Variants in CCNL1 observed in about 807,000 individuals in gnomAD.
CCNL1 encodes the protein cyclin L1.
In CCNL1, 13 loss-of-function variants were observed where a neutral mutation model predicts 60.6. The observed-to-expected ratio is 0.21, with a 90% CI of 0.14 to 0.34. CCNL1 has a LOEUF of 0.34. Among genes scored for constraint, CCNL1 ranks in the 10% least tolerant of loss-of-function variants. The pLI is 1.00. For missense variants in CCNL1, 481 were observed against 664.3 expected, an observed-to-expected ratio of 0.72 and a Z score of 3.03; for synonymous variants, 270 against 244.3, an observed-to-expected ratio of 1.10 and a Z score of -0.98.
chr3:157,151,534 G>C, intron 5 of CCNL1: 3 of 985,880 alleles, frequency 3.0e-6, no homozygotes, highest in Non-Finnish European at 3.6e-6. Flanking sequence ...GTGGGAACTG[G>C]TGCCCATTTT....
intron 3 of CCNL1, chr3:157,153,411 C>A: frequency 2.9e-6 from 1 of 347,166 alleles, no homozygotes. Flanking sequence ...TTGAATTCAT[C>A]CCTGCCAACT....
In CCNL1 at chr3:157,159,955, T is replaced by C; in HGVS notation, c.140A>G (p.Tyr47Cys). ...GTCGATGGTAAGTGAAACTTCCGAG[T>C]ACAGGCGATCGCCGATCAGGATCCC... ...TGGILIGDRL[Y>C]SEVSLTIDHS... The change falls in exon 1 of 11, where the codon TAC (tyrosine) becomes TGC (cysteine). Residue 47 changes from tyrosine (Y) to cysteine (C), a missense_variant. Coordinates refer to ENST00000295926, the MANE Select transcript of CCNL1 (RefSeq NM_020307.4). 6.2e-7 allele frequency: 1 copy of C among 1,600,304 alleles called. No individual in the cohort carries two copies.
chr3:157,151,053 A>G, intron 5 of CCNL1: 1 of 984,992 alleles, frequency 1.0e-6, no homozygotes, highest in Non-Finnish European at 1.2e-6. Context: ...ACTATCAAAG[A>G]AATTTTACAG....
chr3:157,147,567 G>A lies in CCNL1; in HGVS notation c.*674C>T, dbSNP rs1737831456. ...AGCAAATCAGGTTTTTTGGTTTAGT[G>A]CTAAAATATAACATTTAATGTCACA... On this transcript the variant is annotated 3_prime_UTR_variant, in exon 11 of 11. Transcript: ENST00000295926. The A allele has an allele frequency of 2.0e-6, 2 of 985,082 alleles. No homozygotes were observed. The highest frequency in any genetic ancestry group is 2.4e-6 in the Non-Finnish European group (2 of 829,656). The allele number at this position is 985,082 out of a possible 1,614,324, so 61.0% of individuals were successfully genotyped here.
rs6797456 is a variant in CCNL1, at chr3:157,159,727, G to C, written c.303+65C>G. On this transcript the variant is annotated intron_variant, in intron 1 of 10. Coordinates refer to ENST00000295926, the MANE Select transcript of CCNL1 (RefSeq NM_020307.4). ...CCCTCCCGGGGCACGGTGATACTGA[G>C]ATGCGGCGTAGGGGACGGAGGAGAG... 5 of 1,359,852 alleles carry C rather than the reference G, an allele frequency of 3.7e-6. No homozygotes were observed. The African/African-American group carries it at 7.3e-5, about 20-fold the overall frequency. The allele number at this position is 1,359,852 out of a possible 1,614,324, so 84.2% of individuals were successfully genotyped here. A position where few individuals can be genotyped will look rare whatever the true frequency, so the allele number is the denominator to read the frequency against.
intron 8 of CCNL1, 68 bp downstream of exon 8, chr3:157,149,768 G>A (rs1044508723): frequency 6.4e-7 from 1 of 1,558,862 alleles, no homozygotes; most frequent in African/African-American, 1.4e-5. Context: ...ACTTTCAAAT[G>A]TAAAAGCTCT....
chr3:157,144,561 A>G (rs1302141650), downstream of CCNL1, among the ~76,000 whole-genome samples: 2 of 152,248 alleles, frequency 1.3e-5, no homozygotes, highest in Non-Finnish European at 2.9e-5. Flanking sequence ...AACAAATGTT[A>G]AGTGTTCAAA....
chr3:157,157,317 A>G (rs1469048825), intron 3 of CCNL1, among the ~76,000 whole-genome samples: 1 of 152,232 alleles, frequency 6.6e-6, no homozygotes, highest in Non-Finnish European at 1.5e-5. Flanking sequence ...CAGACACAAC[A>G]ATCAGGTGAG....
Position 157,148,050 on chromosome 3 carries a change from G to C in CCNL1, c.*191C>G. 1.2e-5 allele frequency: 16 copies of C among 1,378,084 alleles called. No individual in the cohort carries two copies. Among genetic ancestry groups the C allele is most frequent in the Non-Finnish European group, 1.5e-5 (16 of 1,071,034 alleles). 85.4% of individuals were successfully genotyped at this position (1,378,084 alleles called of 1,614,324 possible). On this transcript the variant is annotated 3_prime_UTR_variant, in exon 11 of 11. Coordinates refer to ENST00000295926, the MANE Select transcript of CCNL1 (RefSeq NM_020307.4). Reference sequence around the variant, plus strand: ...CATGGTTTTTAATTAGATACTGCTAGGGCATTTTAATGTGCAAAAAAATTA... The same window carrying C: ...CATGGTTTTTAATTAGATACTGCTACGGCATTTTAATGTGCAAAAAAATTA...
At position 157,148,303 on chromosome 3, in the gene CCNL1, T is replaced by A; in HGVS notation, c.1519A>T (p.Arg507Trp). ...CCATGGTGCTTGCTTTTATGGGACC[T>A]CTCAAAGGAGCGAGATCGTTCACGC... ...DRRERSRSFE[R>W]SHKSKHHGGS... Residue 507 changes from arginine (R) to tryptophan (W), a missense_variant, in exon 11 of 11, where the codon AGG (arginine) becomes TGG (tryptophan). By Grantham distance (101) the Arg-to-Trp change is moderately radical. Coordinates refer to ENST00000295926, the MANE Select transcript of CCNL1 (RefSeq NM_020307.4). 1 of 1,614,208 alleles carries A rather than the reference T, an allele frequency of 6.2e-7. No homozygotes were observed.
At chr3:157,156,711 C>A (rs9863805) in intron 3 of CCNL1, among the ~76,000 whole-genome samples, 7,376 of 152,250 alleles carry the variant, frequency 0.048, 238 homozygotes, top group South Asian at 0.085. Flanking sequence ...TTGTCAAAGT[C>A]ACACTACAAT....
Position 157,149,328 on chromosome 3 carries a change from T to G in CCNL1, c.1191A>C (p.Ser397=). 6.2e-7 allele frequency: 1 copy of G among 1,614,038 alleles called. No individual in the cohort carries two copies. The highest frequency in any genetic ancestry group is 8.5e-7 in the Non-Finnish European group (1 of 1,179,884). Residue 397 remains serine (S), a synonymous_variant, in exon 10 of 11, where the codon TCA becomes TCC. Coordinates refer to ENST00000295926, the MANE Select transcript of CCNL1 (RefSeq NM_020307.4). ...RNSRSASRSR[S]RTRSRSRSHT... ...GTGATCTAGAACGTGATCGTGTTCT[T>G]GACCTCGATCGACTTGCACTTCTGC...
downstream of CCNL1, among the ~76,000 whole-genome samples, chr3:157,143,358 T>C (rs146506784): frequency 6.6e-6 from 1 of 152,314 alleles, no homozygotes; most frequent in East Asian, 1.9e-4. Flanking sequence ...GGTACAGATA[T>C]TCATGGAAGG....
At chr3:157,153,422 T>C (rs1738348887) in intron 3 of CCNL1, 1 of 335,600 alleles carries the variant, frequency 3.0e-6, no homozygotes, top group Non-Finnish European at 5.5e-6. Context: ...CCTGCCAACT[T>C]TTCCATTCTG....
chr3:157,159,871 T>C lies in CCNL1; in HGVS notation c.224A>G (p.Asp75Gly). 6.3e-7 allele frequency: 1 copy of C among 1,592,884 alleles called. No individual in the cohort carries two copies. The highest frequency in any genetic ancestry group is 1.1e-5 in the South Asian group (1 of 88,018). ...GCGTAAGTCCGTCTCACTGGGCAGG[T>C]CGAGCCCATCCTGCATGGATGGGGT... ...SPTPSMQDGL[D>G]LPSETDLRIL... Residue 75 changes from aspartate (D) to glycine (G), a missense_variant, in exon 1 of 11, where the codon GAC becomes GGC. This residue lies in a region of CCNL1 where 130 missense variants were observed against 174.5 expected (regional missense o/e 0.75). Coordinates refer to ENST00000295926, the MANE Select transcript of CCNL1 (RefSeq NM_020307.4).
intron 2 of CCNL1, 186 bp from the exon 3 acceptor site, chr3:157,159,161 C>T: frequency 1.6e-6 from 1 of 630,774 alleles, no homozygotes. Context: ...GTTCCAGAGT[C>T]AAACTCAATC....
downstream of CCNL1, among the ~76,000 whole-genome samples, chr3:157,143,617 A>G (rs1737704823): frequency 2.0e-5 from 3 of 152,200 alleles, no homozygotes; most frequent in Admixed American, 2.0e-4. Flanking sequence ...GATAAAGTAA[A>G]TTTCAGTTAG....
At chr3:157,150,702 G>A (rs1157733615) in intron 5 of CCNL1, 26 of 1,040,980 alleles carry the variant, frequency 2.5e-5, no homozygotes, top group Admixed American at 2.5e-4. Context: ...ATTCTGACAC[G>A]ATTAGTTTCA....
Position 157,150,008 on chromosome 3 carries a change from T to C in CCNL1, c.880-31A>G, listed in dbSNP as rs753691562. On this transcript the variant is annotated intron_variant, in intron 7 of 10. Coordinates refer to ENST00000295926, the MANE Select transcript of CCNL1 (RefSeq NM_020307.4). ...GGAGGAAAAAAAAGTTAGTATTTCT[T>C]CCTTAGAGTAGCTTGGACTCTTAGC... The C allele has an allele frequency of 6.8e-6, 11 of 1,611,358 alleles. No individual in the cohort carries two copies. In the Admixed American group the frequency reaches 1.9e-4, roughly 27 times the overall value.
Sources: allele counts gnomAD v4.1 joint callset (sites outside exome capture counted in the v4.1 genomes callset), GRCh38; gene constraint gnomAD v4.1.1; regional missense constraint gnomAD v4.1.1; transcripts MANE v1.5; gene names NCBI Gene and HGNC (gene_info 2026-07-23, HGNC 2026-07-21).